PUM3: variants seen among roughly 807,000 people sequenced by gnomAD.
The protein encoded by PUM3 is pumilio RNA binding family member 3, also known as pumilio homolog 3.
Under a neutral mutation model 84.0 loss-of-function variants are expected in PUM3, and 91 were observed. The observed-to-expected ratio is 1.08, with a 90% CI of 0.91 to 1.29. PUM3 has a LOEUF of 1.29. Ranked by LOEUF, PUM3 falls within the 50% of genes most tolerant of loss-of-function variation. PUM3 has a pLI of 0.00. For missense variants in PUM3, 1,067 were observed against 767.5 expected, an observed-to-expected ratio of 1.39 and a Z score of -4.61; for synonymous variants, 321 against 266.7, an observed-to-expected ratio of 1.20 and a Z score of -1.98.
chr9:2,816,091 G>C (rs1821462181), intron 13 of PUM3, among the ~76,000 whole-genome samples: 1 of 152,012 alleles, frequency 6.6e-6, no homozygotes, highest in African/African-American at 2.4e-5. Context: ...GGGTAGAAAT[G>C]TAAAAATCAA....
At chr9:2,828,643 T>G (rs1355712493) in intron 9 of PUM3, 32 bp downstream of exon 9, 1 of 1,309,474 alleles carries the variant, frequency 7.6e-7, no homozygotes, top group East Asian at 2.3e-5. Context: ...GAATGTCATT[T>G]CTTAAGAACA....
At chr9:2,829,568 T>C (rs1424293184) in intron 8 of PUM3, among the ~76,000 whole-genome samples, 3 of 152,136 alleles carry the variant, frequency 2.0e-5, no homozygotes, top group Non-Finnish European at 2.9e-5. Context: ...TTGAAGGGGA[T>C]TTAAAGCCAA....
At chr9:2,818,333 T>G (rs191894421) in intron 13 of PUM3, among the ~76,000 whole-genome samples, 7 of 152,354 alleles carry the variant, frequency 4.6e-5, no homozygotes, top group African/African-American at 1.4e-4. Context: ...AGAATGTGGG[T>G]TAAGCAGTTG....
chr9:2,833,481 T>A, intron 4 of PUM3, 49 bp from the exon 5 acceptor site: 1 of 1,061,850 alleles, frequency 9.4e-7, no homozygotes, highest in East Asian at 2.5e-5. Flanking sequence ...AGAAGTTATT[T>A]TAAACACACA....
rs62534389 is a variant in PUM3 at position 2,829,854 on chromosome 9, C to G, written c.772G>C (p.Ala258Pro). 1.2e-6 allele frequency: 2 copies of G among 1,613,956 alleles called. No homozygotes were observed. Among genetic ancestry groups the G allele is most frequent in the Non-Finnish European group, 8.5e-7 (1 of 1,179,868 alleles). Residue 258 changes from alanine (A) to proline (P), a missense_variant, in exon 8 of 18, where the codon GCA becomes CCA. By Grantham distance (27) the Ala-to-Pro change is conservative. Transcript: ENST00000397885. ...HAEASAIVEY[A>P]YNDKAILEQR... Reference sequence around the variant, plus strand: ...TCCAAAATGGCTTTGTCATTGTATGCGTACTCCACGATGGCTGATGCTTCC... The same window carrying G: ...TCCAAAATGGCTTTGTCATTGTATGGGTACTCCACGATGGCTGATGCTTCC...
At chr9:2,837,678 T>G (rs949689504) in intron 2 of PUM3, among the ~76,000 whole-genome samples, 1 of 152,182 alleles carries the variant, frequency 6.6e-6, no homozygotes, top group African/African-American at 2.4e-5. Flanking sequence ...TGGTGTCAGT[T>G]TGGTATGTTT....
Position 2,833,921 on chromosome 9 carries a change from A to G in PUM3, c.440+110T>C, listed in dbSNP as rs1054998661. The G allele has an allele frequency of 5.4e-5, 63 of 1,168,656 alleles. No individual in the cohort carries two copies. In the East Asian group the frequency reaches 1.4e-3, roughly 26 times the overall value. The allele number at this position is 1,168,656 out of a possible 1,614,324, so 72.4% of individuals were successfully genotyped here. On this transcript the variant is annotated intron_variant, in intron 4 of 17. Transcript: ENST00000397885. ...ATGGGGTGTCATGAGGACCCCCTCA[A>G]TAACCCAAGTGCTATGTCATTTATT...
At chr9:2,825,764 G>A (rs1815800224) in intron 10 of PUM3, among the ~76,000 whole-genome samples, 1 of 152,140 alleles carries the variant, frequency 6.6e-6, no homozygotes, top group Non-Finnish European at 1.5e-5. Context: ...ACAGGTGTGA[G>A]CCACCGTGCC....
chr9:2,824,809 T>C lies in PUM3; in HGVS notation c.1042A>G (p.Ile348Val). The change falls in exon 11 of 18, where the codon ATT becomes GTT. Residue 348 changes from isoleucine (I) to valine (V), a missense_variant. Coordinates refer to ENST00000397885, the MANE Select transcript of PUM3 (RefSeq NM_014878.5). ...ACCACCGCTTCGCGGATGGCTTCAA[T>C]CATTTCCTAGGGAACAAATGCTGTC... ...YAPPKLRSEM[I>V]EAIREAVVYL... 2.6e-6 allele frequency: 4 copies of C among 1,564,088 alleles called. No homozygotes were observed. The highest frequency in any genetic ancestry group is 3.5e-6 in the Non-Finnish European group (4 of 1,148,336).
At chr9:2,841,793 G>C (rs565560530) in intron 1 of PUM3, among the ~76,000 whole-genome samples, 7 of 151,462 alleles carry the variant, frequency 4.6e-5, no homozygotes, top group Non-Finnish European at 8.8e-5. Context: ...TTATAATATA[G>C]TTTAACTGAT....
chr9:2,814,455 C>G (rs1821432406), intron 13 of PUM3, among the ~76,000 whole-genome samples: 1 of 152,136 alleles, frequency 6.6e-6, no homozygotes, highest in African/African-American at 2.4e-5. Flanking sequence ...AGGTGATCCA[C>G]CCACCTCAGC....
At chr9:2,838,576 G>T in intron 1 of PUM3, 59 bp from the exon 2 acceptor site, 1 of 1,046,106 alleles carries the variant, frequency 9.6e-7, no homozygotes. Flanking sequence ...TCAAATAAGA[G>T]CTGTTTCATA....
At chr9:2,818,845 C>T (rs534244737) in intron 13 of PUM3, among the ~76,000 whole-genome samples, 1 of 152,272 alleles carries the variant, frequency 6.6e-6, no homozygotes, top group East Asian at 1.9e-4. Flanking sequence ...TCTAAGAAAA[C>T]AATCTTCCCC....
rs772546579 is a variant in PUM3 at position 2,810,393 on chromosome 9, C to A, written c.1674G>T (p.Leu558=). 1.9e-6 allele frequency: 3 copies of A among 1,612,472 alleles called. No homozygotes were observed. The East Asian group carries it at 6.7e-5, about 36-fold the overall frequency. ...TTTTATCTTGCTCTATTAACCACTT[C>A]AGAACTAGATGTCCTGCAGGATGTT... ...IAEHPAGHLV[L]KWLIEQDKKM... The change falls in exon 16 of 18, where the codon CTG becomes CTT. Residue 558 remains leucine (L), a synonymous_variant. Transcript: ENST00000397885.
At chr9:2,834,002 C>T (rs1432577710) in intron 4 of PUM3, 29 bp downstream of exon 4, 1 of 1,607,794 alleles carries the variant, frequency 6.2e-7, no homozygotes. Flanking sequence ...TGCAAAGGGA[C>T]TAACAAAGGC....
chr9:2,806,353 T>C (rs1045659531), intron 17 of PUM3, among the ~76,000 whole-genome samples: 5 of 152,206 alleles, frequency 3.3e-5, no homozygotes, highest in African/African-American at 1.2e-4. Flanking sequence ...TCTGTAACAC[T>C]TATATATTTG....
rs114294196 is a variant in PUM3 at position 2,818,113 on chromosome 9, G to C, written c.1269+1905C>G. Among the ~76,000 whole-genome samples, 4 of 152,226 alleles carry C rather than the reference G, an allele frequency of 2.6e-5. No individual in the cohort carries two copies. In the East Asian group the frequency reaches 7.7e-4, roughly 29 times the overall value. ...TGCTTAGCAACACTAAGCTTTCCTG[G>C]TTATTTTTAAAAAGCACTGCATACT... is the stretch of plus-strand genomic sequence containing the variant. On this transcript the variant is annotated intron_variant, in intron 13 of 17. Coordinates refer to ENST00000397885, the MANE Select transcript of PUM3 (RefSeq NM_014878.5).
chr9:2,831,552 A>G (rs1158446008), intron 5 of PUM3, among the ~76,000 whole-genome samples: 2 of 152,192 alleles, frequency 1.3e-5, no homozygotes, highest in Admixed American at 6.5e-5. Flanking sequence ...TAGGTACAAT[A>G]ATGACATTGA....
chr9:2,833,295 ACTC>A, intron 5 of PUM3, 59 bp downstream of exon 5: 1 of 818,738 alleles, frequency 1.2e-6, no homozygotes, highest in Non-Finnish European at 2.0e-6. Context: ...ATGGTCAGCT[ACTC>A]CTGAGAGTGA....
Sources: allele counts gnomAD v4.1 joint callset (sites outside exome capture counted in the v4.1 genomes callset), GRCh38; gene constraint gnomAD v4.1.1; transcripts MANE v1.5; gene names NCBI Gene and HGNC (gene_info 2026-07-23, HGNC 2026-07-21).